The following GNAQ variants were observed in gnomAD, a reference collection of about 807,000 sequenced individuals.
GNAQ encodes the protein G protein subunit alpha q.
In GNAQ, 8 loss-of-function variants were observed where a neutral mutation model predicts 43.9. The observed-to-expected ratio is 0.18, with a 90% confidence interval of 0.11 to 0.33. The LOEUF (loss-of-function observed/expected upper bound fraction) is 0.33. GNAQ is among the 10% of genes least tolerant of loss of function. The pLI is 1.00. For missense variants in GNAQ, 158 were observed against 450.8 expected (o/e 0.35, Z 5.88); for synonymous variants, 155 against 170.7 (o/e 0.91, Z 0.71).
chr9:77,842,097 T>C (rs556241498), intron 2 of GNAQ, among the ~76,000 whole-genome samples: 2 of 152,382 alleles, frequency 1.3e-5, no homozygotes, highest in Admixed American at 1.3e-4. Context: ...GGGGGAGTTC[T>C]CTGCCTTAAG....
chr9:78,013,117 G>T (rs887575335), intron 1 of GNAQ, among the ~76,000 whole-genome samples: 1 of 152,132 alleles, frequency 6.6e-6, no homozygotes, highest in African/African-American at 2.4e-5. Flanking sequence ...TAAAGGAAAT[G>T]TAAGTTAGAG....
At chr9:77,827,385 A>ACC (rs1827215756) in intron 2 of GNAQ, among the ~76,000 whole-genome samples, 1 of 135,392 alleles carries the variant, frequency 7.4e-6, no homozygotes, top group Non-Finnish European at 1.6e-5. Flanking sequence ...TAAATAACTA[A>ACC]AAAAAAAAAA....
chr9:77,802,562 AACC>A (rs148660654), intron 3 of GNAQ, among the ~76,000 whole-genome samples: 49 of 152,280 alleles, frequency 3.2e-4, no homozygotes, highest in African/African-American at 1.1e-3. Context: ...TTAAAAAAAA[AACC>A]ACACCGAGGT....
At chr9:77,875,228 A>C (rs1828108496) in intron 2 of GNAQ, among the ~76,000 whole-genome samples, 1 of 152,252 alleles carries the variant, frequency 6.6e-6, no homozygotes, top group African/African-American at 2.4e-5. Flanking sequence ...GAATGAAATT[A>C]AACAACACAA....
chr9:78,016,415 G>A (rs1564179293), intron 1 of GNAQ, among the ~76,000 whole-genome samples: 1 of 152,192 alleles, frequency 6.6e-6, no homozygotes, highest in Non-Finnish European at 1.5e-5. Context: ...GCCAGGCACA[G>A]TGGCCCACAC....
intron 2 of GNAQ, among the ~76,000 whole-genome samples, chr9:77,862,010 A>AGG (rs1827863026): frequency 5.7e-4 from 66 of 115,842 alleles, no homozygotes; most frequent in Non-Finnish European, 7.4e-4. Context: ...GTCTGGGGTA[A>AGG]AAAAAAAAAA....
intron 2 of GNAQ, among the ~76,000 whole-genome samples, chr9:77,894,279 G>A (rs890607916): frequency 2.9e-5 from 2 of 69,336 alleles, no homozygotes; most frequent in East Asian, 1.0e-3. Flanking sequence ...AAGCAGTATT[G>A]CTAATAATAC....
chr9:77,947,024 C>T (rs1235564376), intron 1 of GNAQ, among the ~76,000 whole-genome samples: 5 of 152,250 alleles, frequency 3.3e-5, no homozygotes, highest in African/African-American at 9.6e-5. Context: ...CCCAACTTCT[C>T]CCGAGTAACA....
At chr9:77,845,204 C>G (rs996796807) in intron 2 of GNAQ, among the ~76,000 whole-genome samples, 5 of 152,108 alleles carry the variant, frequency 3.3e-5, no homozygotes, top group African/African-American at 1.2e-4. Context: ...GTCAGAAAAT[C>G]TAAAATGGTA....
At position 77,719,608 on chromosome 9, in the gene GNAQ, G is replaced by A. The variant is rs1825278782; in HGVS notation, c.*1715C>T. 4.3e-6 allele frequency: 1 copy of A among 232,590 alleles called. No homozygotes were observed. The highest frequency in any genetic ancestry group is 1.8e-4 in the South Asian group (1 of 5,518). 14.4% of individuals were successfully genotyped at this position (232,590 alleles called of 1,614,324 possible). ...GTTTACACTAGTGCCAAATACCACT[G>A]TAGTTAAAATGAGACCAGTATCATG... On this transcript the variant is annotated 3_prime_UTR_variant, in exon 7 of 7. Transcript: ENST00000286548.
intron 1 of GNAQ, among the ~76,000 whole-genome samples, chr9:77,934,564 A>G (rs1829204536): frequency 6.6e-6 from 1 of 152,150 alleles, no homozygotes; most frequent in South Asian, 2.1e-4. Flanking sequence ...AGGAAGTCTC[A>G]AAAAATACGC....
chr9:77,765,753 C>T (rs1826125385), intron 5 of GNAQ, among the ~76,000 whole-genome samples: 2 of 152,252 alleles, frequency 1.3e-5, no homozygotes, highest in African/African-American at 4.8e-5. Context: ...AATTCCACTT[C>T]TGGGTGTATA....
chr9:77,823,519 G>C (rs1205489512), intron 2 of GNAQ, among the ~76,000 whole-genome samples: 1 of 152,050 alleles, frequency 6.6e-6, no homozygotes. Context: ...CTGCTATAAA[G>C]AACTACCTGA....
intron 6 of GNAQ, among the ~76,000 whole-genome samples, chr9:77,722,656 T>A: frequency 3.2e-5 from 1 of 31,042 alleles, no homozygotes; most frequent in African/African-American, 5.3e-5. Context: ...CTAAGGACTT[T>A]TTTTTTTTTT....
intron 2 of GNAQ, among the ~76,000 whole-genome samples, chr9:77,826,299 C>T (rs1827195882): frequency 6.6e-6 from 1 of 152,142 alleles, no homozygotes; most frequent in Admixed American, 6.5e-5. Context: ...GGCCCAACTC[C>T]CCATAACGCT....
At chr9:77,992,061 TCTC>T (rs1326038261) in intron 1 of GNAQ, among the ~76,000 whole-genome samples, 2 of 152,354 alleles carry the variant, frequency 1.3e-5, no homozygotes, top group African/African-American at 2.4e-5. Flanking sequence ...TACAGTGACT[TCTC>T]CTCCTCTGGG....
At chr9:77,854,283 T>C (rs1182341425) in intron 2 of GNAQ, among the ~76,000 whole-genome samples, 4 of 152,210 alleles carry the variant, frequency 2.6e-5, no homozygotes, top group African/African-American at 4.8e-5. Flanking sequence ...GAAATAAGAA[T>C]TGATCAACTT....
chr9:77,879,288 A>G (rs1375930005), intron 2 of GNAQ, among the ~76,000 whole-genome samples: 5 of 151,316 alleles, frequency 3.3e-5, no homozygotes, highest in Non-Finnish European at 7.4e-5. Flanking sequence ...TTTGAGATGG[A>G]GTTTTTGCTC....
intron 2 of GNAQ, among the ~76,000 whole-genome samples, chr9:77,861,920 G>A (rs912798392): frequency 2.0e-5 from 3 of 150,914 alleles, no homozygotes; most frequent in African/African-American, 4.9e-5. Flanking sequence ...CAGGGGAACT[G>A]CTTGAACCTG....
Sources: allele counts gnomAD v4.1 joint callset (sites outside exome capture counted in the v4.1 genomes callset), GRCh38; gene constraint gnomAD v4.1.1; transcripts MANE v1.5; gene names NCBI Gene and HGNC (gene_info 2026-07-23, HGNC 2026-07-21).